Variants in PTPRM observed in about 807,000 individuals in gnomAD.
PTPRM encodes the protein receptor-type tyrosine-protein phosphatase mu.
PTPRM carries 47 observed loss-of-function variants against 186.7 expected under a neutral mutation model. The observed-to-expected ratio is 0.25, with a 90% confidence interval of 0.20 to 0.32. The LOEUF (loss-of-function observed/expected upper bound fraction) is 0.32, where lower values mean the gene tolerates loss of function less well. Among genes scored for constraint, PTPRM ranks in the 10% least tolerant of loss-of-function variants. PTPRM has a pLI of 1.00. For missense variants in PTPRM, 1,494 were observed against 1,865.0 expected (o/e 0.80, Z 3.66); for synonymous variants, 668 against 674.9 (o/e 0.99, Z 0.16).
intron 7 of PTPRM, among the ~76,000 whole-genome samples, chr18:7,984,592 T>TGCCCC (rs1480100991): frequency 0.024 from 2,904 of 122,576 alleles, 56 homozygotes; most frequent in Non-Finnish European, 0.035. Flanking sequence ...TATATATATA[T>TGCCCC]ATATATATAT....
At chr18:8,002,947 A>G (rs1165381656) in intron 7 of PTPRM, among the ~76,000 whole-genome samples, 1 of 152,174 alleles carries the variant, frequency 6.6e-6, no homozygotes, top group Non-Finnish European at 1.5e-5. Flanking sequence ...CGTTTTGATT[A>G]AAAACTGAAA....
At chr18:8,110,352 T>C (rs896693694) in intron 11 of PTPRM, among the ~76,000 whole-genome samples, 3 of 152,184 alleles carry the variant, frequency 2.0e-5, no homozygotes, top group Admixed American at 6.5e-5. Context: ...GAGAGACTCA[T>C]TGAGGGTCTG....
chr18:8,197,627 T>A (rs1187364158), intron 14 of PTPRM, among the ~76,000 whole-genome samples: 3 of 152,206 alleles, frequency 2.0e-5, no homozygotes, highest in Non-Finnish European at 2.9e-5. Context: ...ACGTTAATGC[T>A]GAGTTCATAG....
chr18:8,213,765 A>C lies in PTPRM; in HGVS notation c.2301-30293A>C, dbSNP rs372675107. Among the ~76,000 whole-genome samples, 6 of 152,284 alleles carry C rather than the reference A, an allele frequency of 3.9e-5. No individual in the cohort carries two copies. The East Asian group carries it at 9.6e-4, about 24-fold the overall frequency. On this transcript the variant is annotated intron_variant, in intron 14 of 32. Transcript: ENST00000580170. ...AGTCCCACTACTGGGTATGTAACCA[A>C]AGGAAAATAAATCATTATATCAAAA... is the stretch of plus-strand genomic sequence containing the variant.
intron 13 of PTPRM, among the ~76,000 whole-genome samples, chr18:8,142,243 A>G (rs925130187): frequency 1.3e-5 from 2 of 152,148 alleles, no homozygotes; most frequent in Non-Finnish European, 2.9e-5. Flanking sequence ...TTTTTGCATC[A>G]TGGCTGCTGC....
rs117347627 is a variant in PTPRM, at chr18:8,374,188, A to C, written c.3172-1858A>C. 1.6e-3 allele frequency among the ~76,000 whole-genome samples: 245 copies of C among 152,310 alleles called. 5 individuals carry two copies. In the East Asian group the frequency reaches 0.036, roughly 22 times the overall value. On this transcript the variant is annotated intron_variant, in intron 24 of 32. Coordinates refer to ENST00000580170, the MANE Select transcript of PTPRM (RefSeq NM_001105244.2). ...TTGAGAAATGTTTTCTACTTTCCAG[A>C]AACTGATATTTACCTTGCTCAGAAA... is the stretch of plus-strand genomic sequence containing the variant.
chr18:7,644,342 C>T (rs1432624138), intron 1 of PTPRM, among the ~76,000 whole-genome samples: 1 of 152,082 alleles, frequency 6.6e-6, no homozygotes, highest in Admixed American at 6.6e-5. Flanking sequence ...ACATTTTAAA[C>T]TAATACACTT....
intron 7 of PTPRM, among the ~76,000 whole-genome samples, chr18:7,993,408 T>C (rs1433939395): frequency 6.6e-6 from 1 of 152,078 alleles, no homozygotes; most frequent in East Asian, 1.9e-4. Context: ...CACATAAGTC[T>C]CCTCTTTGAG....
At chr18:7,716,009 T>A (rs1246549405) in intron 1 of PTPRM, among the ~76,000 whole-genome samples, 7 of 152,182 alleles carry the variant, frequency 4.6e-5, no homozygotes, top group African/African-American at 7.2e-5. Flanking sequence ...TAGAAAAAAC[T>A]ACTTTAAATT....
At chr18:8,194,480 G>T (rs1028795576) in intron 14 of PTPRM, among the ~76,000 whole-genome samples, 23 of 152,222 alleles carry the variant, frequency 1.5e-4, no homozygotes, top group African/African-American at 5.5e-4. Context: ...TGCTTTCAGG[G>T]CTCCGTGTGA....
At chr18:7,665,693 G>A (rs1261020536) in intron 1 of PTPRM, among the ~76,000 whole-genome samples, 3 of 152,062 alleles carry the variant, frequency 2.0e-5, no homozygotes, top group East Asian at 1.9e-4. Context: ...TTTGGAGGCC[G>A]AGGGGGGTGG....
intron 1 of PTPRM, among the ~76,000 whole-genome samples, chr18:7,725,132 G>C (rs2040520828): frequency 6.6e-6 from 1 of 152,174 alleles, no homozygotes; most frequent in Non-Finnish European, 1.5e-5. Context: ...ATGATGGACT[G>C]TCATATTTAT....
chr18:7,667,595 A>C (rs2039125442), intron 1 of PTPRM, among the ~76,000 whole-genome samples: 1 of 152,260 alleles, frequency 6.6e-6, no homozygotes, highest in African/African-American at 2.4e-5. Flanking sequence ...CTAAGAAAAA[A>C]GGGAGTTTGG....
chr18:7,991,474 T>C (rs891861175), intron 7 of PTPRM, among the ~76,000 whole-genome samples: 1 of 152,100 alleles, frequency 6.6e-6, no homozygotes, highest in Non-Finnish European at 1.5e-5. Context: ...TCTAAGGCAA[T>C]CTTCAGAAGT....
intron 4 of PTPRM, among the ~76,000 whole-genome samples, chr18:7,907,236 G>GC (rs200087341): frequency 6.6e-6 from 1 of 152,160 alleles, no homozygotes; most frequent in South Asian, 2.1e-4. Context: ...CCCAAACCCT[G>GC]CCCCCCAGGG....
At chr18:8,004,018 G>C in intron 7 of PTPRM, among the ~76,000 whole-genome samples, 1 of 152,144 alleles carries the variant, frequency 6.6e-6, no homozygotes, top group Non-Finnish European at 1.5e-5. Flanking sequence ...TGTTGACTAT[G>C]TGGAAATTCC....
At chr18:8,187,188 C>T (rs1246536103) in intron 14 of PTPRM, among the ~76,000 whole-genome samples, 1 of 152,172 alleles carries the variant, frequency 6.6e-6, no homozygotes, top group African/African-American at 2.4e-5. Flanking sequence ...GACCCACCCT[C>T]CTCGGCCTTT....
chr18:7,852,745 A>G (rs1457034828), intron 2 of PTPRM, among the ~76,000 whole-genome samples: 2 of 151,638 alleles, frequency 1.3e-5, no homozygotes, highest in Non-Finnish European at 2.9e-5. Flanking sequence ...ATTTTCAGCT[A>G]CTCAGAATGC....
rs71165767 is a variant in PTPRM, at chr18:8,069,109, CAAAAAAAAAAAAAAAA to C, written c.1133-567_1133-552del. Among the ~76,000 whole-genome samples, 69 of 78,626 alleles carry C rather than the reference CAAAAAAAAAAAAAAAA, an allele frequency of 8.8e-4. 1 individual carries two copies. The highest frequency in any genetic ancestry group is 3.4e-3 in the African/African-American group (65 of 19,310). The allele number at this position is 78,626 out of a possible 152,430, so 51.6% of individuals were successfully genotyped here. On this transcript the variant is annotated intron_variant, in intron 7 of 32. Transcript: ENST00000580170. Reference sequence around the variant, plus strand: ...TGGGTGACAGTGTGAGACTCCGTCTCAAAAAAAAAAAAAAAAAAAAAAAAAGCAGATTGGTTTATTT... The same window carrying C: ...TGGGTGACAGTGTGAGACTCCGTCTCAAAAAAAAAGCAGATTGGTTTATTT...
Sources: gnomAD v4.1 joint callset for allele counts (sites outside exome capture counted in the v4.1 genomes callset) on GRCh38, gnomAD v4.1.1 for gene constraint, MANE v1.5 for transcripts, NCBI Gene and HGNC (gene_info 2026-07-23, HGNC 2026-07-21) for gene names.